SLC36A3: variants seen among roughly 807,000 people sequenced by gnomAD.
SLC36A3 encodes proton-coupled amino acid transporter 3.
Under a neutral mutation model 44.3 loss-of-function variants are expected in SLC36A3, and 35 were observed. The ratio of observed to expected loss-of-function variants is 0.79; its 90% CI spans 0.60 to 1.05. The LOEUF is 1.05. Ranked by LOEUF, SLC36A3 falls within the 50% of genes least tolerant of loss-of-function variation. The pLI is 0.00. For synonymous variants in SLC36A3, 211 were observed against 227.6 expected (o/e 0.93, Z 0.66); for missense variants, 540 against 578.7 (o/e 0.93, Z 0.69).
At position 151,303,446 on chromosome 5, in the gene SLC36A3, A is replaced by T; in HGVS notation, c.-92T>A. On this transcript the variant is annotated 5_prime_UTR_variant, in exon 1 of 10. Coordinates refer to ENST00000335230, the MANE Select transcript of SLC36A3 (RefSeq NM_181774.4). Reference sequence around the variant, plus strand: ...TTCTCCAGAGAAACCATGGCTGCTGACCTGAGATGCTGGCTCCTAACCCCA... The same window carrying T: ...TTCTCCAGAGAAACCATGGCTGCTGTCCTGAGATGCTGGCTCCTAACCCCA... 7.2e-7 allele frequency: 1 copy of T among 1,381,556 alleles called. No homozygotes were observed. Among genetic ancestry groups the T allele is most frequent in the Admixed American group, 2.2e-5 (1 of 46,358 alleles). 85.6% of individuals were successfully genotyped at this position (1,381,556 alleles called of 1,614,324 possible).
intron 1 of SLC36A3, among the ~76,000 whole-genome samples, chr5:151,302,340 C>T (rs1365709461): frequency 2.6e-5 from 4 of 152,144 alleles, no homozygotes; most frequent in African/African-American, 7.2e-5. Context: ...ACAGTTGTTA[C>T]CGATCTGATG....
At chr5:151,282,868 ATCTTTCTT>A (rs1176150672) in intron 8 of SLC36A3, among the ~76,000 whole-genome samples, 12 of 147,608 alleles carry the variant, frequency 8.1e-5, no homozygotes, top group African/African-American at 2.3e-4. Context: ...CATTTCTATT[ATCTTTCTT>A]TCTTTCTTTC....
intron 3 of SLC36A3, among the ~76,000 whole-genome samples, chr5:151,294,929 G>A (rs1754907340): frequency 1.3e-5 from 2 of 151,954 alleles, no homozygotes; most frequent in South Asian, 2.1e-4. Flanking sequence ...GCACCCGGCC[G>A]AAATCTCCAG....
chr5:151,277,941 T>C (rs780054609), intron 9 of SLC36A3, among the ~76,000 whole-genome samples: 2 of 152,138 alleles, frequency 1.3e-5, no homozygotes, highest in African/African-American at 2.4e-5. Context: ...ACTGTAGAGA[T>C]GGGGAAATCT....
At chr5:151,281,534 A>G (rs533208405) in intron 8 of SLC36A3, among the ~76,000 whole-genome samples, 34 of 152,142 alleles carry the variant, frequency 2.2e-4, no homozygotes, top group Admixed American at 6.5e-4. Context: ...TTAAAAGACA[A>G]TAGCCGGGCG....
At position 151,303,258 on chromosome 5, in the gene SLC36A3, T is replaced by C; in HGVS notation, c.97A>G (p.Asn33Asp). ...CCAGCTTCTCCAGCAGGATGGACAT[T>C]CTCTGAAGTAATGCTACTGCTGCTC... ...SESSSSITSE[N>D]VHPAGEAGLS... The change falls in exon 1 of 10, where the codon AAT (asparagine) becomes GAT (aspartate). Residue 33 changes from asparagine (N) to aspartate (D), a missense_variant. Transcript: ENST00000335230. 1 of 1,613,918 alleles carries C rather than the reference T, an allele frequency of 6.2e-7. No homozygotes were observed. The highest frequency in any genetic ancestry group is 8.5e-7 in the Non-Finnish European group (1 of 1,179,904).
chr5:151,288,621 G>T, intron 4 of SLC36A3, 151 bp from the exon 5 acceptor site: 2 of 613,450 alleles, frequency 3.3e-6, no homozygotes, highest in Non-Finnish European at 5.3e-6. Context: ...AAGCCAAAAA[G>T]TTGAAAGAAT....
rs561495962 is a variant in SLC36A3, at chr5:151,289,971, G to A, written c.405-1501C>T. Among the ~76,000 whole-genome samples, 4 of 152,210 alleles carry A rather than the reference G, an allele frequency of 2.6e-5. No homozygotes were observed. The East Asian group carries it at 7.7e-4, about 29-fold the overall frequency. On this transcript the variant is annotated intron_variant, in intron 4 of 9. Transcript: ENST00000335230. ...ACTGATGTTCCTTGCTTGAATCATT[G>A]GTGGTTGCAAGGTGGTGGTTTTCTA...
intron 4 of SLC36A3, among the ~76,000 whole-genome samples, chr5:151,291,756 A>G (rs927464387): frequency 6.6e-6 from 1 of 152,208 alleles, no homozygotes; most frequent in Non-Finnish European, 1.5e-5. Context: ...GGGGTCAGGT[A>G]GCATCAGTGC....
At position 151,293,375 on chromosome 5, in the gene SLC36A3, TGCATGG is replaced by T; in HGVS notation, c.387_392del (p.His130_Ala131del). On this transcript the variant is annotated inframe_deletion, in exon 4 of 10. Coordinates refer to ENST00000335230, the MANE Select transcript of SLC36A3 (RefSeq NM_181774.4). ...TCTGTGACTACTACCTTCCCCACAC[TGCATGG>T]GCCCTCAGCCAGGTGTTCGGGCAGG... The T allele has an allele frequency of 6.2e-7, 1 of 1,613,526 alleles. No individual in the cohort carries two copies. Among genetic ancestry groups the T allele is most frequent in the Admixed American group, 1.7e-5 (1 of 59,984 alleles).
At chr5:151,278,716 A>G (rs1193933380) in intron 9 of SLC36A3, among the ~76,000 whole-genome samples, 1 of 152,222 alleles carries the variant, frequency 6.6e-6, no homozygotes, top group African/African-American at 2.4e-5. Context: ...TCCAAGCATA[A>G]GAGAGACTCA....
At position 151,284,602 on chromosome 5, in the gene SLC36A3, A is replaced by G; in HGVS notation, c.807+11T>C. ...GCTAGGGACCATTCGCGTGAACCCC[A>G]TCAATCTTACCATACCGACGCCTTC... On this transcript the variant is annotated intron_variant, in intron 7 of 9. Coordinates refer to ENST00000335230, the MANE Select transcript of SLC36A3 (RefSeq NM_181774.4). The G allele has an allele frequency of 6.2e-7, 1 of 1,603,418 alleles. No individual in the cohort carries two copies. The highest frequency in any genetic ancestry group is 1.1e-5 in the South Asian group (1 of 90,056).
Position 151,284,218 on chromosome 5 carries a change from G to A in SLC36A3, c.808-8C>T, listed in dbSNP as rs1279865592. ...GTTTTTGAGAGGCAGAACCTGGAGG[G>A]AAAAAAAAAAGTTGGGAAAGAAAAG... On this transcript the variant is annotated splice_region_variant and splice_polypyrimidine_tract_variant and intron_variant, in intron 7 of 9. Coordinates refer to ENST00000335230, the MANE Select transcript of SLC36A3 (RefSeq NM_181774.4). 7 of 1,436,230 alleles carry A rather than the reference G, an allele frequency of 4.9e-6. No individual in the cohort carries two copies. The highest frequency in any genetic ancestry group is 1.5e-5 in the African/African-American group (1 of 67,840). The allele number at this position is 1,436,230 out of a possible 1,614,324, so 89.0% of individuals were successfully genotyped here.
intron 4 of SLC36A3, among the ~76,000 whole-genome samples, chr5:151,291,453 C>T (rs758664024): frequency 5.3e-5 from 8 of 152,082 alleles, no homozygotes; most frequent in East Asian, 3.9e-4. Context: ...TTTTTCCTTG[C>T]AACTTTTAAT....
In SLC36A3 at chr5:151,298,760, G is replaced by A. The variant is rs140424248; in HGVS notation, c.129-77C>T. 1.3e-4 allele frequency: 195 copies of A among 1,472,916 alleles called. No individual in the cohort carries two copies. In the East Asian group the frequency reaches 4.2e-3, roughly 32 times the overall value. 91.2% of individuals were successfully genotyped at this position (1,472,916 alleles called of 1,614,324 possible). On this transcript the variant is annotated intron_variant, in intron 1 of 9. Transcript: ENST00000335230. ...ATGGCCAGAAACTCAGCCTCCTTCTGGCATCTCCAGAGCGCCTGATAGGAA... is the reference window on the plus strand; with the variant it reads ...ATGGCCAGAAACTCAGCCTCCTTCTAGCATCTCCAGAGCGCCTGATAGGAA...
chr5:151,289,311 T>C (rs1233652581), intron 4 of SLC36A3, among the ~76,000 whole-genome samples: 1 of 152,088 alleles, frequency 6.6e-6, no homozygotes, highest in Non-Finnish European at 1.5e-5. Flanking sequence ...ATCCCAATTC[T>C]CTCTAAAGTA....
chr5:151,298,320 T>G, intron 2 of SLC36A3: 1 of 328,036 alleles, frequency 3.0e-6, no homozygotes, highest in Non-Finnish European at 5.2e-6. Context: ...ATGAGCTGCA[T>G]GTGATCCTAG....
chr5:151,277,284 C>A lies in SLC36A3; in HGVS notation c.*109G>T. The A allele has an allele frequency of 7.2e-7, 1 of 1,386,554 alleles. No homozygotes were observed. Among genetic ancestry groups the A allele is most frequent in the East Asian group, 2.3e-5 (1 of 43,384 alleles). The allele number at this position is 1,386,554 out of a possible 1,614,324, so 85.9% of individuals were successfully genotyped here. ...CATTTCTCTTGGAAAGATAAAGACG[C>A]CACTAATTAATATAGAGATGTTGGG... On this transcript the variant is annotated 3_prime_UTR_variant, in exon 10 of 10. Coordinates refer to ENST00000335230, the MANE Select transcript of SLC36A3 (RefSeq NM_181774.4).
At chr5:151,289,103 T>C (rs1487270914) in intron 4 of SLC36A3, 4 of 153,724 alleles carry the variant, frequency 2.6e-5, no homozygotes, top group African/African-American at 9.7e-5. Flanking sequence ...ATCCTAATAC[T>C]TAAACCCTAA....
Sources: allele counts gnomAD v4.1 joint callset (sites outside exome capture counted in the v4.1 genomes callset), GRCh38; gene constraint gnomAD v4.1.1; transcripts MANE v1.5; gene names NCBI Gene and HGNC (gene_info 2026-07-23, HGNC 2026-07-21).